Variants in TLE2 observed in about 807,000 individuals in gnomAD.
TLE2 encodes transducin-like enhancer protein 2.
TLE2 carries 74 observed loss-of-function variants against 97.2 expected under a neutral mutation model. The observed-to-expected ratio is 0.76, with a 90% CI of 0.63 to 0.92. TLE2 has a LOEUF of 0.92. Among genes scored for constraint, TLE2 ranks in the 40% least tolerant of loss-of-function variants. The pLI is 0.00. For missense variants in TLE2, 1,038 were observed against 1,008.7 expected, an observed-to-expected ratio of 1.03 and a Z score of -0.39; for synonymous variants, 499 against 432.1, an observed-to-expected ratio of 1.15 and a Z score of -1.92.
intron 1 of TLE2, among the ~76,000 whole-genome samples, chr19:3,039,041 C>A (rs2090080926): frequency 7.6e-6 from 1 of 131,012 alleles, no homozygotes; most frequent in Non-Finnish European, 1.5e-5. Flanking sequence ...AAAACCACGA[C>A]TCAAAAAAAA....
At position 3,006,509 on chromosome 19, in the gene TLE2, GCTGTGTGGAGCCGCTGATGGTGA is replaced by G; in HGVS notation, c.1388_1410del (p.Val463AlafsTer53). The G allele has an allele frequency of 6.2e-7, 1 of 1,608,678 alleles. No individual in the cohort carries two copies. The highest frequency in any genetic ancestry group is 8.5e-7 in the Non-Finnish European group (1 of 1,178,476). ...CAGCCCTTGCCGCCCGTGTACACAT[GCTGTGTGGAGCCGCTGATGGTGA>G]CCGCGCAGACCACCTCGCCATGGGC... On this transcript the variant is annotated frameshift_variant, in exon 15 of 20. Coordinates refer to ENST00000262953, the MANE Select transcript of TLE2 (RefSeq NM_003260.5). LOFTEE classifies it high-confidence loss of function.
intron 15 of TLE2, 155 bp downstream of exon 15, chr19:3,006,265 C>A: frequency 1.5e-6 from 2 of 1,298,114 alleles, no homozygotes; most frequent in South Asian, 2.5e-5. Flanking sequence ...GCCTGCAAGC[C>A]TTGTCCCATG....
chr19:3,023,488 C>T (rs979218307), intron 5 of TLE2, among the ~76,000 whole-genome samples: 1 of 152,226 alleles, frequency 6.6e-6, no homozygotes, highest in Non-Finnish European at 1.5e-5. Flanking sequence ...ACAAACTGAG[C>T]ATCTCCCCTC....
upstream of TLE2, chr19:3,029,448 C>G: frequency 1.0e-6 from 1 of 960,826 alleles, no homozygotes; most frequent in Non-Finnish European, 1.2e-6. Flanking sequence ...GAAACTGAGG[C>G]CGGGTGGGGA....
intron 1 of TLE2, among the ~76,000 whole-genome samples, chr19:3,038,226 G>A (rs1260293178): frequency 6.6e-6 from 1 of 152,062 alleles, no homozygotes; most frequent in African/African-American, 2.4e-5. Context: ...ATTATTATTT[G>A]AGACAAGGTC....
At chr19:3,040,717 G>A (rs528890549) in intron 1 of TLE2, among the ~76,000 whole-genome samples, 3 of 151,852 alleles carry the variant, frequency 2.0e-5, no homozygotes, top group South Asian at 2.1e-4. Context: ...ACATGATCAC[G>A]GCTCCCTGCA....
chr19:3,022,970 G>A (rs2089874138), intron 5 of TLE2, among the ~76,000 whole-genome samples: 1 of 152,136 alleles, frequency 6.6e-6, no homozygotes, highest in Non-Finnish European at 1.5e-5. Context: ...ACAAGTGGAG[G>A]GGTGGAGCTG....
Position 3,019,210 on chromosome 19 carries a change from G to A in TLE2, c.550+73C>T. On this transcript the variant is annotated intron_variant, in intron 7 of 19. Coordinates refer to ENST00000262953, the MANE Select transcript of TLE2 (RefSeq NM_003260.5). This position sits in a 1 kb window ranked among gnomAD's most constrained non-coding sequence, Gnocchi z 5.1. Reference sequence around the variant, plus strand: ...ACTTCATCCCCTCACGCTGATGTTTGCTACCCTGGACTGCCAGTCGTCCTC... The same window carrying A: ...ACTTCATCCCCTCACGCTGATGTTTACTACCCTGGACTGCCAGTCGTCCTC... The A allele has an allele frequency of 1.3e-6, 2 of 1,521,248 alleles. No individual in the cohort carries two copies. Among genetic ancestry groups the A allele is most frequent in the South Asian group, 2.4e-5 (2 of 82,684 alleles). The allele number at this position is 1,521,248 out of a possible 1,614,324, so 94.2% of individuals were successfully genotyped here.
intron 1 of TLE2, 34 bp downstream of exon 1, chr19:3,028,847 C>A (rs764617273): frequency 1.2e-6 from 2 of 1,611,830 alleles, no homozygotes; most frequent in Admixed American, 3.3e-5. Flanking sequence ...AGTTCCCGGA[C>A]ACTGGGGGCC....
chr19:3,013,947 T>C (rs1321201957), intron 10 of TLE2, 129 bp from the exon 11 acceptor site: 2 of 922,896 alleles, frequency 2.2e-6, no homozygotes, highest in Non-Finnish European at 2.9e-6. Flanking sequence ...GGGAAGATTA[T>C]GAAATCTTCT....
At chr19:3,017,740 C>T in intron 8 of TLE2, 100 bp downstream of exon 8, 1 of 1,177,164 alleles carries the variant, frequency 8.5e-7, no homozygotes, top group Non-Finnish European at 1.2e-6. Flanking sequence ...GCGTGAGCCA[C>T]CATGATCGAC....
At chr19:3,035,691 T>C (rs996159945) in intron 1 of TLE2, among the ~76,000 whole-genome samples, 5 of 152,082 alleles carry the variant, frequency 3.3e-5, no homozygotes, top group Admixed American at 1.3e-4. Flanking sequence ...CGCTCCCACA[T>C]GGGTCAGTGA....
intron 1 of TLE2, among the ~76,000 whole-genome samples, chr19:3,037,740 C>A (rs1423319857): frequency 6.6e-6 from 1 of 152,122 alleles, no homozygotes; most frequent in African/African-American, 2.4e-5. Context: ...GGCTCAGTGC[C>A]AGGCACGTTT....
At position 3,029,202 on chromosome 19, in the gene TLE2, G is replaced by T; in HGVS notation, c.-298C>A. ...CGGCAGCCGGCGCAGAAGGTCGGGC[G>T]CGCCGCGGCCGGGTTTCGGTGGCGG... On this transcript the variant is annotated 5_prime_UTR_variant, in exon 1 of 20. Transcript: ENST00000262953. 2 of 541,330 alleles carry T rather than the reference G, an allele frequency of 3.7e-6. No homozygotes were observed. The highest frequency in any genetic ancestry group is 4.7e-6 in the Non-Finnish European group (2 of 427,518). The allele number at this position is 541,330 out of a possible 1,614,324, so 33.5% of individuals were successfully genotyped here.
intron 3 of TLE2, 151 bp downstream of exon 3, chr19:3,028,168 G>T (rs2089976672): frequency 1.2e-6 from 1 of 838,626 alleles, no homozygotes; most frequent in Non-Finnish European, 1.9e-6. Flanking sequence ...GAGCTGGGAG[G>T]ACCCTCCTAG....
chr19:3,047,239 C>G (rs1599262054), upstream of TLE2, among the ~76,000 whole-genome samples: 1 of 138,592 alleles, frequency 7.2e-6, no homozygotes, highest in South Asian at 2.4e-4. Flanking sequence ...ATCAATTAGC[C>G]GAGGTCGCCC....
At chr19:2,998,108 T>G (rs543900087) in intron 19 of TLE2, among the ~76,000 whole-genome samples, 153 bp from the exon 20 acceptor site, 1 of 152,034 alleles carries the variant, frequency 6.6e-6, no homozygotes, top group South Asian at 2.1e-4. Context: ...TTTGTTCTTG[T>G]CGCCCAGGCT....
In TLE2 at chr19:3,040,590, C is replaced by T. The variant is rs1483694382; in HGVS notation, c.63+5136G>A. Among the ~76,000 whole-genome samples the T allele has an allele frequency of 4.6e-5, 7 of 152,118 alleles. No homozygotes were observed. The South Asian group carries it at 1.0e-3, about 23-fold the overall frequency. On this transcript the variant is annotated intron_variant, in intron 1 of 18. Transcript: ENST00000426948. Reference sequence around the variant, plus strand: ...CTGGCCTCAAGGGATCCTCCTGCCTCGGCCACCTGAAGTGCTGGGATTACA... The same window carrying T: ...CTGGCCTCAAGGGATCCTCCTGCCTTGGCCACCTGAAGTGCTGGGATTACA...
intron 4 of TLE2, among the ~76,000 whole-genome samples, chr19:3,026,650 G>A (rs116376481): frequency 0.022 from 3,251 of 147,494 alleles, 119 homozygotes; most frequent in African/African-American, 0.078. Flanking sequence ...GTCTATCTCA[G>A]AACCCTGAGG....
Sources: gnomAD v4.1 joint callset for allele counts (sites outside exome capture counted in the v4.1 genomes callset) on GRCh38, gnomAD v4.1.1 for gene constraint, Gnocchi (gnomAD v3.1) non-coding constraint, MANE v1.5 for transcripts, NCBI Gene and HGNC (gene_info 2026-07-23, HGNC 2026-07-21) for gene names.